LMBRD1: variants seen among roughly 807,000 people sequenced by gnomAD.
The protein encoded by LMBRD1 is LMBR1 domain containing 1, also known as lysosomal cobalamin transport escort protein LMBD1.
LMBRD1 carries 64 observed loss-of-function variants against 74.8 expected under a neutral mutation model. The ratio of observed to expected loss-of-function variants is 0.86; its 90% CI spans 0.70 to 1.05. The LOEUF (loss-of-function observed/expected upper bound fraction) is 1.05, where lower values mean the gene tolerates loss of function less well. LMBRD1 is among the 50% of genes least tolerant of loss of function. The pLI is 0.00. For missense variants in LMBRD1, 652 were observed against 645.9 expected, an observed-to-expected ratio of 1.01 and a Z score of -0.10; for synonymous variants, 204 against 216.3, an observed-to-expected ratio of 0.94 and a Z score of 0.50.
rs762894069 is a variant in LMBRD1, at chr6:69,780,574, T to G, written c.247-20A>C. On this transcript the variant is annotated intron_variant, in intron 2 of 15. Transcript: ENST00000649934. The stretch of plus-strand genomic sequence containing the variant: ...CCAGTCCTAGGATAAAAGGAAACAA[T>G]AGAAATATTAATGAAACACCCATTT... 2 of 1,578,444 alleles carry G rather than the reference T, an allele frequency of 1.3e-6. No individual in the cohort carries two copies. Among genetic ancestry groups the G allele is most frequent in the Admixed American group, 3.3e-5 (2 of 59,966 alleles).
At chr6:69,791,277 A>C (rs553459254) in intron 1 of LMBRD1, among the ~76,000 whole-genome samples, 1 of 152,318 alleles carries the variant, frequency 6.6e-6, no homozygotes, top group South Asian at 2.1e-4. Context: ...TGGAGCCAGA[A>C]AATCTGCATT....
intron 2 of LMBRD1, among the ~76,000 whole-genome samples, chr6:69,781,515 T>C (rs2149893657): frequency 6.6e-6 from 1 of 152,272 alleles, no homozygotes; most frequent in East Asian, 1.9e-4. Flanking sequence ...AGGATTTTTC[T>C]TTTCTCTTTT....
Position 69,796,958 on chromosome 6 carries a change from A to T in LMBRD1, c.-77T>A, listed in dbSNP as rs1766250672. 2 of 1,257,732 alleles carry T rather than the reference A, an allele frequency of 1.6e-6. No individual in the cohort carries two copies. The highest frequency in any genetic ancestry group is 2.4e-5 in the East Asian group (1 of 41,202). 77.9% of individuals were successfully genotyped at this position (1,257,732 alleles called of 1,614,324 possible). Reference sequence around the variant, plus strand: ...GGGGAAAGGGGAGAGAGCGCGAGATATACTGCACCCGCGCACCCTAAAGGT... The same window carrying T: ...GGGGAAAGGGGAGAGAGCGCGAGATTTACTGCACCCGCGCACCCTAAAGGT... On this transcript the variant is annotated 5_prime_UTR_variant, in exon 1 of 16. Coordinates refer to ENST00000649934, the MANE Select transcript of LMBRD1 (RefSeq NM_018368.4).
At chr6:69,779,771 C>A (rs1032223978) in intron 3 of LMBRD1, among the ~76,000 whole-genome samples, 1 of 152,054 alleles carries the variant, frequency 6.6e-6, no homozygotes, top group Admixed American at 6.5e-5. Flanking sequence ...ATTATTTATT[C>A]CTGTTGTAGA....
chr6:69,762,662 T>C (rs1765395905), intron 3 of LMBRD1, among the ~76,000 whole-genome samples: 1 of 152,060 alleles, frequency 6.6e-6, no homozygotes, highest in African/African-American at 2.4e-5. Flanking sequence ...CCCAATGTGA[T>C]AGTATTTGGA....
intron 12 of LMBRD1, among the ~76,000 whole-genome samples, chr6:69,700,544 A>G (rs1248842216): frequency 6.6e-6 from 1 of 151,826 alleles, no homozygotes; most frequent in African/African-American, 2.4e-5. Context: ...AAATATCTCT[A>G]GATATTGCCA....
intron 9 of LMBRD1, among the ~76,000 whole-genome samples, chr6:69,713,033 T>C (rs1342165315): frequency 6.6e-6 from 1 of 151,782 alleles, no homozygotes; most frequent in Non-Finnish European, 1.5e-5. Context: ...AACAATTGCA[T>C]CTCCATAAAA....
chr6:69,730,803 A>G (rs1316072581), intron 7 of LMBRD1, among the ~76,000 whole-genome samples: 1 of 152,152 alleles, frequency 6.6e-6, no homozygotes, highest in Non-Finnish European at 1.5e-5. Flanking sequence ...TTTCTTAAAA[A>G]GCAACAGTCA....
At chr6:69,745,497 A>T (rs1402192437) in intron 5 of LMBRD1, among the ~76,000 whole-genome samples, 2 of 151,436 alleles carry the variant, frequency 1.3e-5, no homozygotes, top group East Asian at 3.9e-4. Context: ...TGACCTCATG[A>T]TCCACCCGCC....
chr6:69,727,114 G>A (rs947245088), intron 7 of LMBRD1, among the ~76,000 whole-genome samples: 3 of 152,078 alleles, frequency 2.0e-5, no homozygotes, highest in Non-Finnish European at 2.9e-5. Context: ...AGTTGAGATC[G>A]CGCCACTGCA....
intron 3 of LMBRD1, among the ~76,000 whole-genome samples, chr6:69,762,766 CCAGAGTT>C (rs1178534318): frequency 2.0e-5 from 3 of 152,166 alleles, no homozygotes; most frequent in Admixed American, 1.3e-4. Context: ...GGAAGAGAGA[CCAGAGTT>C]CAATCTCTGT....
At chr6:69,736,599 A>G (rs1238856808) in intron 7 of LMBRD1, among the ~76,000 whole-genome samples, 2 of 151,876 alleles carry the variant, frequency 1.3e-5, no homozygotes, top group African/African-American at 2.4e-5. Context: ...ATTTCTCTCT[A>G]TTTTTTTCTC....
Position 69,701,125 on chromosome 6 carries a change from G to C in LMBRD1, c.1084-256C>G, listed in dbSNP as rs138388015. Among the ~76,000 whole-genome samples, 560 of 151,720 alleles carry C rather than the reference G, an allele frequency of 3.7e-3. 3 individuals are homozygous for C. Among genetic ancestry groups the C allele is most frequent in the Non-Finnish European group, 6.0e-3 (404 of 67,728 alleles). ...AAACTAAAATTGCATTTATCTATGA[G>C]ATAAAAGACTTGATTAAATATTAAT... On this transcript the variant is annotated intron_variant, in intron 11 of 15. Transcript: ENST00000649934.
intron 14 of LMBRD1, among the ~76,000 whole-genome samples, chr6:69,684,151 A>G (rs1765716490): frequency 6.6e-6 from 1 of 152,070 alleles, no homozygotes. Context: ...TTCAGGTATT[A>G]AAGATATTAC....
At chr6:69,776,991 T>A (rs1040219682) in intron 3 of LMBRD1, among the ~76,000 whole-genome samples, 5 of 151,448 alleles carry the variant, frequency 3.3e-5, no homozygotes, top group Non-Finnish European at 7.4e-5. Context: ...TACTAAAAAA[T>A]ACAAAAATTA....
chr6:69,791,843 A>G (rs754936806), intron 1 of LMBRD1, among the ~76,000 whole-genome samples: 6 of 152,208 alleles, frequency 3.9e-5, no homozygotes, highest in Non-Finnish European at 7.4e-5. Context: ...TCCAGAGAGC[A>G]GTTTTCCATG....
chr6:69,718,634 G>A (rs1408292189), intron 8 of LMBRD1, among the ~76,000 whole-genome samples: 1 of 152,170 alleles, frequency 6.6e-6, no homozygotes, highest in Non-Finnish European at 1.5e-5. Flanking sequence ...GCAGGAAGGA[G>A]AAGTGCCAAA....
intron 2 of LMBRD1, among the ~76,000 whole-genome samples, chr6:69,783,043 C>T (rs1765872098): frequency 6.6e-6 from 1 of 152,034 alleles, no homozygotes; most frequent in Admixed American, 6.5e-5. Context: ...TATAAACTAG[C>T]ATAGATAAAT....
intron 7 of LMBRD1, among the ~76,000 whole-genome samples, chr6:69,733,245 G>A (rs777588016): frequency 6.6e-6 from 1 of 151,996 alleles, no homozygotes; most frequent in African/African-American, 2.4e-5. Flanking sequence ...TTCCCACTCT[G>A]GGTACTTTAA....
Sources: allele counts gnomAD v4.1 joint callset (sites outside exome capture counted in the v4.1 genomes callset), GRCh38; gene constraint gnomAD v4.1.1; transcripts MANE v1.5; gene names NCBI Gene and HGNC (gene_info 2026-07-23, HGNC 2026-07-21).